RBM6: variants seen among roughly 807,000 people sequenced by gnomAD.
RBM6 encodes the protein RNA-binding protein 6.
RBM6 carries 23 observed loss-of-function variants against 140.4 expected under a neutral mutation model. That is an observed-to-expected ratio of 0.16 (90% CI 0.12 to 0.23). RBM6 has a LOEUF of 0.23. Ranked by LOEUF, RBM6 falls within the 10% of genes least tolerant of loss-of-function variation. The pLI is 1.00. For synonymous variants in RBM6, 439 were observed against 475.6 expected (o/e 0.92, Z 1.00); for missense variants, 1,139 against 1,386.7 (o/e 0.82, Z 2.84).
chr3:50,029,007 A>G (rs1380189347), intron 6 of RBM6, among the ~76,000 whole-genome samples: 7 of 152,134 alleles, frequency 4.6e-5, no homozygotes, highest in Non-Finnish European at 7.3e-5. Context: ...AGCTAGCCAT[A>G]TATTCTTGTT....
At chr3:49,984,758 A>G (rs923488481) in intron 5 of RBM6, among the ~76,000 whole-genome samples, 1 of 152,222 alleles carries the variant, frequency 6.6e-6, no homozygotes, top group Non-Finnish European at 1.5e-5. Flanking sequence ...GGCCCTGAGC[A>G]CAGAAATCTC....
At chr3:50,058,639 G>T in intron 10 of RBM6, 77 bp downstream of exon 10, 2 of 1,456,638 alleles carry the variant, frequency 1.4e-6, no homozygotes, top group African/African-American at 1.4e-5. Context: ...TGGGGGCCGG[G>T]CCTGGTGGCT....
chr3:49,967,777 A>G lies in RBM6; in HGVS notation c.352A>G (p.Arg118Gly), dbSNP rs772903016. Residue 118 changes from arginine (R) to glycine (G), a missense_variant, in exon 3 of 21, where the codon AGG (arginine) becomes GGG (glycine). Arg to Gly is a moderately radical substitution (Grantham distance 125, BLOSUM62 -2). Transcript: ENST00000266022. The surrounding 1 kb of genome is among the most constrained non-coding windows in gnomAD (Gnocchi z 4.0). ...RDSSQLDFRG[R>G]DIHSGDFRDR... is the part of the protein sequence containing the mutation. ...TTCATCACAGTTGGACTTCAGGGGT[A>G]GGGACATACATTCTGGGGATTTTCG... is the stretch of plus-strand genomic sequence containing the variant. 1 of 1,614,142 alleles carries G rather than the reference A, an allele frequency of 6.2e-7. No homozygotes were observed.
At position 50,054,381 on chromosome 3, in the gene RBM6, A is replaced by G. The variant is rs770567165; in HGVS notation, c.1679A>G (p.Lys560Arg). 6.2e-7 allele frequency: 1 copy of G among 1,612,686 alleles called. No individual in the cohort carries two copies. The highest frequency in any genetic ancestry group is 8.5e-7 in the Non-Finnish European group (1 of 1,178,618). The change falls in exon 8 of 21, where the codon AAG becomes AGG. Residue 560 changes from lysine to arginine, a missense_variant. Physicochemically the swap from Lys to Arg is conservative, Grantham distance 26 (BLOSUM62 2). Coordinates refer to ENST00000266022, the MANE Select transcript of RBM6 (RefSeq NM_005777.3). ...CACCGATCTTCCTGTTCATTCTGCA[A>G]GAACCCAAGAGAAGGTGAGTGGCGA... is the stretch of plus-strand genomic sequence containing the variant. ...GGHRSSCSFCKNPREVTEAKQ... is the reference protein window; with the variant it reads ...GGHRSSCSFCRNPREVTEAKQ...
intron 5 of RBM6, among the ~76,000 whole-genome samples, chr3:49,990,446 C>T (rs2108704307): frequency 1.3e-5 from 2 of 152,326 alleles, no homozygotes; most frequent in South Asian, 4.1e-4. Flanking sequence ...CCATTATAAT[C>T]TTATGGAACC....
At position 49,962,626 on chromosome 3, in the gene RBM6, C is replaced by T. The variant is rs756338778; in HGVS notation, c.-16C>T. ...GAAAAAGGATTTACTTGTTGGGGCC[C>T]TCTTGATAAAAAGAGATGTGGGGGG... is the stretch of plus-strand genomic sequence containing the variant. On this transcript the variant is annotated 5_prime_UTR_variant, in exon 2 of 21. Coordinates refer to ENST00000266022, the MANE Select transcript of RBM6 (RefSeq NM_005777.3). 21 of 1,589,122 alleles carry T rather than the reference C, an allele frequency of 1.3e-5. No homozygotes were observed. Among genetic ancestry groups the T allele is most frequent in the East Asian group, 1.1e-4 (5 of 43,500 alleles).
chr3:50,062,217 T>C (rs1447232275), intron 15 of RBM6, 109 bp downstream of exon 15: 1 of 1,337,590 alleles, frequency 7.5e-7, no homozygotes, highest in African/African-American at 1.5e-5. Context: ...TTAAAAATAC[T>C]CTGTCAGCCG....
intron 6 of RBM6, among the ~76,000 whole-genome samples, chr3:50,014,691 A>G (rs578163852): frequency 6.6e-6 from 1 of 152,340 alleles, no homozygotes; most frequent in East Asian, 1.9e-4. Context: ...TTTTATCTTA[A>G]TACAATATCA....
chr3:50,005,421 C>G (rs1469687888), intron 6 of RBM6, among the ~76,000 whole-genome samples: 1 of 150,800 alleles, frequency 6.6e-6, no homozygotes, highest in African/African-American at 2.4e-5. Context: ...TTGCTTGAGC[C>G]TGGGAGGTCA....
At chr3:50,073,611 C>T (rs2090370308) in intron 19 of RBM6, among the ~76,000 whole-genome samples, 1 of 152,194 alleles carries the variant, frequency 6.6e-6, no homozygotes, top group Non-Finnish European at 1.5e-5. Flanking sequence ...TATTCCACCT[C>T]CACACTGGAC....
chr3:49,975,302 A>G, intron 4 of RBM6, 21 bp from the exon 5 acceptor site: 4 of 1,575,922 alleles, frequency 2.5e-6, no homozygotes, highest in Non-Finnish European at 3.5e-6. Context: ...TATCATTTGT[A>G]TAAATGCCAT....
At chr3:49,984,647 C>T (rs965444333) in intron 5 of RBM6, among the ~76,000 whole-genome samples, 1 of 146,880 alleles carries the variant, frequency 6.8e-6, no homozygotes, top group African/African-American at 2.5e-5. Context: ...CATCGCATCG[C>T]ATCGCATCGC....
intron 1 of RBM6, among the ~76,000 whole-genome samples, chr3:49,941,633 T>G (rs1168292337): frequency 1.2e-5 from 1 of 84,190 alleles, no homozygotes; most frequent in Admixed American, 1.7e-4. Flanking sequence ...AGAGTGAAAC[T>G]CTGTCTCAAA....
At chr3:50,046,298 G>A (rs1334053290) in intron 6 of RBM6, among the ~76,000 whole-genome samples, 2 of 149,282 alleles carry the variant, frequency 1.3e-5, no homozygotes, top group African/African-American at 2.5e-5. Context: ...AAAAAAAGAC[G>A]GCCAGGCGCA....
At chr3:50,051,647 C>T (rs531524905) in intron 7 of RBM6, among the ~76,000 whole-genome samples, 35 of 151,898 alleles carry the variant, frequency 2.3e-4, no homozygotes, top group African/African-American at 8.2e-4. Context: ...ATCTCAAAAA[C>T]AAAAAAGAAA....
At chr3:50,020,350 A>G (rs986717649) in intron 6 of RBM6, among the ~76,000 whole-genome samples, 2 of 151,936 alleles carry the variant, frequency 1.3e-5, no homozygotes, top group African/African-American at 2.4e-5. Context: ...CTATTGATTT[A>G]CTGTTTTCAA....
At chr3:50,067,757 C>T (rs2090166953) in intron 17 of RBM6, among the ~76,000 whole-genome samples, 1 of 152,186 alleles carries the variant, frequency 6.6e-6, no homozygotes, top group African/African-American at 2.4e-5. Context: ...ATTTGTTTCA[C>T]ACCCCTTCTC....
chr3:50,062,349 C>G (rs772427267), intron 15 of RBM6, among the ~76,000 whole-genome samples: 1 of 151,970 alleles, frequency 6.6e-6, no homozygotes, highest in African/African-American at 2.4e-5. Flanking sequence ...ACTAAAAATA[C>G]AAAAATTAGC....
At chr3:50,022,475 C>T (rs1013755934) in intron 6 of RBM6, among the ~76,000 whole-genome samples, 1 of 151,920 alleles carries the variant, frequency 6.6e-6, no homozygotes, top group African/African-American at 2.4e-5. Flanking sequence ...GGATTATAGG[C>T]TCATGTCACC....
Sources: allele counts gnomAD v4.1 joint callset (sites outside exome capture counted in the v4.1 genomes callset), GRCh38; gene constraint gnomAD v4.1.1; non-coding constraint Gnocchi (gnomAD v3.1); transcripts MANE v1.5; gene names NCBI Gene and HGNC (gene_info 2026-07-23, HGNC 2026-07-21).